DPP8: variants seen among roughly 807,000 people sequenced by gnomAD.
DPP8 encodes the protein dipeptidyl peptidase 8, also known as DPP VIII.
In DPP8, 31 loss-of-function variants were observed where a neutral mutation model predicts 107.5. The observed-to-expected ratio is 0.29, with a 90% CI of 0.22 to 0.39. The LOEUF (loss-of-function observed/expected upper bound fraction) is 0.39, where lower values mean the gene tolerates loss of function less well. Among genes scored for constraint, DPP8 ranks in the 10% least tolerant of loss-of-function variants. The probability of loss-of-function intolerance (pLI) is 1.00; values close to 1 mark genes in which losing one functional copy is unlikely to be tolerated. For synonymous variants in DPP8, 381 were observed against 356.6 expected (o/e 1.07, Z -0.77); for missense variants, 842 against 1,076.1 (o/e 0.78, Z 3.04).
At chr15:65,453,703 C>T (rs986281148) in intron 17 of DPP8, among the ~76,000 whole-genome samples, 1 of 151,762 alleles carries the variant, frequency 6.6e-6, no homozygotes, top group Non-Finnish European at 1.5e-5. Context: ...GGGTGAAGAG[C>T]GAGACTCCGT....
chr15:65,462,626 C>A (rs1022344938), intron 15 of DPP8, among the ~76,000 whole-genome samples: 1 of 152,090 alleles, frequency 6.6e-6, no homozygotes, highest in African/African-American at 2.4e-5. Context: ...TGTCACCAGG[C>A]TGGAGTACAG....
chr15:65,512,088 GATCAATTAATGACTTGTT>G (rs1663591888), intron 2 of DPP8, 189 bp downstream of exon 2: 1 of 703,898 alleles, frequency 1.4e-6, no homozygotes, highest in Non-Finnish European at 2.6e-6. Context: ...AAACGATCAT[GATCAATTAATGACTTGTT>G]ACCTACAAGT....
rs946092042 is a variant in DPP8 at position 65,443,392 on chromosome 15, C to T, written c.*3492G>A. On this transcript the variant is annotated 3_prime_UTR_variant, in exon 20 of 20. Transcript: ENST00000300141. ...AATATTGATTCCATCTTGAAAAATG[C>T]ATGATTTAATAATGAGAAATCTTAT... 1 of 151,608 alleles carries T rather than the reference C, an allele frequency of 6.6e-6. No individual in the cohort carries two copies. Among genetic ancestry groups the T allele is most frequent in the African/African-American group, 2.4e-5 (1 of 41,222 alleles). 9.4% of individuals were successfully genotyped at this position (151,608 alleles called of 1,614,324 possible). A position where few individuals can be genotyped will look rare whatever the true frequency, so the allele number is the denominator to read the frequency against.
rs1036881505 is a variant in DPP8, at chr15:65,445,929, C to T, written c.*955G>A. On this transcript the variant is annotated 3_prime_UTR_variant, in exon 20 of 20. Transcript: ENST00000300141. ...ACCACCTCTTCTCTCTGTCATTCCC[C>T]AAACCCAGGTCTCCCCACCCCACTG... 2.0e-5 allele frequency: 3 copies of T among 152,022 alleles called. No individual in the cohort carries two copies. Among genetic ancestry groups the T allele is most frequent in the African/African-American group, 7.2e-5 (3 of 41,384 alleles). 9.4% of individuals were successfully genotyped at this position (152,022 alleles called of 1,614,324 possible).
chr15:65,503,880 C>T (rs2069574032), intron 3 of DPP8, among the ~76,000 whole-genome samples: 2 of 151,984 alleles, frequency 1.3e-5, no homozygotes, highest in Admixed American at 6.6e-5. Context: ...CCGCCTCAGC[C>T]TCCCAAAGTG....
At chr15:65,479,788 G>A (rs539165044) in intron 10 of DPP8, among the ~76,000 whole-genome samples, 2 of 146,550 alleles carry the variant, frequency 1.4e-5, no homozygotes, top group South Asian at 2.1e-4. Flanking sequence ...AGCTTGCAGT[G>A]AGCCGAGATT....
intron 1 of DPP8, 28 bp downstream of exon 1, chr15:65,517,458 G>A (rs1233739543): frequency 1.3e-5 from 2 of 152,634 alleles, no homozygotes; most frequent in African/African-American, 2.4e-5. Context: ...GCCGGCGCAG[G>A]AGAAGGAGAA....
chr15:65,473,565 A>G (rs1317589060), intron 12 of DPP8, among the ~76,000 whole-genome samples: 2 of 152,070 alleles, frequency 1.3e-5, no homozygotes, highest in African/African-American at 4.8e-5. Context: ...GCTACTCCAG[A>G]GGCTGAAGTG....
At chr15:65,511,932 C>A in intron 2 of DPP8, 1 of 353,714 alleles carries the variant, frequency 2.8e-6, no homozygotes, top group Non-Finnish European at 5.6e-6. Context: ...CCAAAAACAG[C>A]CTTGGATTAA....
Position 65,490,217 on chromosome 15 carries a change from G to C in DPP8, c.798C>G (p.Gly266=). The C allele has an allele frequency of 6.2e-7, 1 of 1,609,602 alleles. No homozygotes were observed. The highest frequency in any genetic ancestry group is 8.5e-7 in the Non-Finnish European group (1 of 1,175,916). The change falls in exon 6 of 20, where the codon GGC becomes GGG. Residue 266 remains glycine (G), a synonymous_variant. Transcript: ENST00000300141. ...VLQEEFDRYS[G]YWWCPKAETT... Reference sequence around the variant, plus strand: ...TTTCAGCTTTTGGACACCACCAATAGCCAGAATATCTATCAAATTCTTCTT... The same window carrying C: ...TTTCAGCTTTTGGACACCACCAATACCCAGAATATCTATCAAATTCTTCTT...
intron 11 of DPP8, among the ~76,000 whole-genome samples, chr15:65,477,529 A>T (rs2066504417): frequency 7.1e-6 from 1 of 139,870 alleles, no homozygotes; most frequent in African/African-American, 2.7e-5. Flanking sequence ...CTTTTCCACA[A>T]TTTTTTTTTT....
chr15:65,508,963 T>A (rs971270822), intron 2 of DPP8, among the ~76,000 whole-genome samples: 2 of 152,196 alleles, frequency 1.3e-5, no homozygotes, highest in African/African-American at 4.8e-5. Context: ...CCTCAACCTA[T>A]GTTTCTGAAT....
chr15:65,493,615 G>C (rs2068263374), intron 5 of DPP8, among the ~76,000 whole-genome samples: 1 of 152,056 alleles, frequency 6.6e-6, no homozygotes, highest in Non-Finnish European at 1.5e-5. Flanking sequence ...AGTTTTCAAA[G>C]TGTTTTGAAT....
At chr15:65,514,664 T>C (rs1002527542) in intron 1 of DPP8, among the ~76,000 whole-genome samples, 5 of 152,118 alleles carry the variant, frequency 3.3e-5, no homozygotes, top group African/African-American at 1.2e-4. Flanking sequence ...GCACCCGCCA[T>C]CGTGCCCAGT....
At chr15:65,475,353 T>C (rs2066285760) in intron 11 of DPP8, 4 of 1,304,752 alleles carry the variant, frequency 3.1e-6, no homozygotes, top group Middle Eastern at 1.8e-4. Flanking sequence ...ATCTTCTGAG[T>C]GTGGGCTTTG....
At chr15:65,474,166 C>T (rs747559709) in intron 12 of DPP8, 43 bp downstream of exon 12, 2 of 1,373,660 alleles carry the variant, frequency 1.5e-6, no homozygotes, top group East Asian at 2.3e-5. Flanking sequence ...TGCATTCACA[C>T]AGTAATACTG....
intron 16 of DPP8, chr15:65,455,299 A>AT: frequency 6.4e-6 from 1 of 155,652 alleles, no homozygotes; most frequent in Admixed American, 6.3e-5. Flanking sequence ...TGCCCAGCTA[A>AT]TTTTTTAACT....
intron 12 of DPP8, among the ~76,000 whole-genome samples, chr15:65,467,690 T>G (rs1240387596): frequency 6.6e-6 from 1 of 152,184 alleles, no homozygotes; most frequent in Non-Finnish European, 1.5e-5. Flanking sequence ...TTATGACTTA[T>G]AGCTAAGAAC....
chr15:65,495,907 C>CA (rs1185716230), intron 5 of DPP8, among the ~76,000 whole-genome samples: 2 of 151,646 alleles, frequency 1.3e-5, no homozygotes, highest in Admixed American at 6.6e-5. Flanking sequence ...CAAAAAAGAA[C>CA]AAAAAAACAA....
Sources: allele counts gnomAD v4.1 joint callset (sites outside exome capture counted in the v4.1 genomes callset), GRCh38; gene constraint gnomAD v4.1.1; transcripts MANE v1.5; gene names NCBI Gene and HGNC (gene_info 2026-07-23, HGNC 2026-07-21).